The following CDK19 variants were observed in gnomAD, a reference collection of about 807,000 sequenced individuals.
CDK19 encodes the protein cyclin-dependent kinase 19.
A neutral mutation model predicts 68.3 loss-of-function variants in CDK19; 20 were observed. The observed-to-expected ratio is 0.29, with a 90% confidence interval of 0.21 to 0.43. CDK19 has a LOEUF of 0.43. Among genes scored for constraint, CDK19 ranks in the 20% least tolerant of loss-of-function variants. CDK19 has a pLI of 1.00. For synonymous variants in CDK19, 221 were observed against 222.8 expected, an observed-to-expected ratio of 0.99 and a Z score of 0.07; for missense variants, 339 against 623.5, an observed-to-expected ratio of 0.54 and a Z score of 4.86.
At chr6:110,696,803 T>C (rs1773520734) in intron 2 of CDK19, among the ~76,000 whole-genome samples, 1 of 152,040 alleles carries the variant, frequency 6.6e-6, no homozygotes, top group African/African-American at 2.4e-5. Context: ...ATGCCTGTAA[T>C]CCCAGCACTT....
intron 1 of CDK19, among the ~76,000 whole-genome samples, chr6:110,778,578 T>C (rs539380700): frequency 2.1e-4 from 32 of 152,330 alleles, no homozygotes; most frequent in African/African-American, 7.7e-4. Context: ...CAATCACACG[T>C]ATTACTACTT....
At chr6:110,730,940 T>A (rs1282405283) in intron 2 of CDK19, among the ~76,000 whole-genome samples, 1 of 151,912 alleles carries the variant, frequency 6.6e-6, no homozygotes, top group African/African-American at 2.4e-5. Flanking sequence ...TAATCCCAGC[T>A]ACTTGGGAGG....
intron 12 of CDK19, among the ~76,000 whole-genome samples, chr6:110,618,824 C>A (rs1474585211): frequency 9.5e-6 from 1 of 104,894 alleles, no homozygotes; most frequent in African/African-American, 4.5e-5. Flanking sequence ...CAGACAGCCC[C>A]TCCCTCTGCT....
At chr6:110,641,639 G>T (rs1182951717) in intron 4 of CDK19, among the ~76,000 whole-genome samples, 1 of 89,802 alleles carries the variant, frequency 1.1e-5, no homozygotes, top group East Asian at 3.6e-4. Context: ...AAGGAGGAAA[G>T]GGAAAGAAAG....
At chr6:110,814,487 G>A in intron 1 of CDK19, 1 of 393,922 alleles carries the variant, frequency 2.5e-6, no homozygotes, top group Non-Finnish European at 5.0e-6. Context: ...TGGGGGCGGC[G>A]GTGCCCAGCG....
chr6:110,784,120 C>T (rs1781022895), intron 1 of CDK19, among the ~76,000 whole-genome samples: 2 of 136,580 alleles, frequency 1.5e-5, no homozygotes, highest in Admixed American at 1.5e-4. Context: ...GATCACACCA[C>T]TGCATTCCAG....
intron 4 of CDK19, chr6:110,646,089 G>A (rs1780552241): frequency 1.2e-6 from 1 of 864,172 alleles, no homozygotes; most frequent in Non-Finnish European, 1.9e-6. Context: ...GCAGTTTGTG[G>A]CTAAGCAAGG....
intron 2 of CDK19, among the ~76,000 whole-genome samples, chr6:110,712,626 T>G (rs1775028778): frequency 6.6e-6 from 1 of 152,204 alleles, no homozygotes; most frequent in Non-Finnish European, 1.5e-5. Context: ...CGCCCAGGTT[T>G]CCTTGCTAAG....
intron 2 of CDK19, among the ~76,000 whole-genome samples, chr6:110,723,795 A>G (rs1395187411): frequency 6.6e-6 from 1 of 152,224 alleles, no homozygotes; most frequent in East Asian, 1.9e-4. Flanking sequence ...TAAATTGTTA[A>G]TACAAATTGT....
At chr6:110,814,814 A>T in intron 1 of CDK19, 195 bp downstream of exon 1, 1 of 727,250 alleles carries the variant, frequency 1.4e-6, no homozygotes, top group Non-Finnish European at 2.3e-6. Context: ...CGGGAGTTCG[A>T]GGTACGCGAC....
At chr6:110,755,039 TC>T (rs1417622375) in intron 1 of CDK19, among the ~76,000 whole-genome samples, 6 of 147,454 alleles carry the variant, frequency 4.1e-5, no homozygotes, top group Non-Finnish European at 9.1e-5. Flanking sequence ...CCCTTGTGAA[TC>T]CTTTTTTTTT....
At chr6:110,653,234 T>C (rs577308971) in intron 4 of CDK19, among the ~76,000 whole-genome samples, 2 of 152,312 alleles carry the variant, frequency 1.3e-5, no homozygotes, top group Admixed American at 1.3e-4. Context: ...TATACAAGGC[T>C]ATGGGTCAAG....
Position 110,761,447 on chromosome 6 carries a change from G to GA in CDK19, c.129-15247dup, listed in dbSNP as rs1200967660. The stretch of plus-strand genomic sequence containing the variant: ...ACATGTGGTGAAGAAACAAGAGAAA[G>GA]AACTGCAAAAACTTGATTCCCAGTG... On this transcript the variant is annotated intron_variant, in intron 1 of 12. Transcript: ENST00000368911. 1.2e-4 allele frequency among the ~76,000 whole-genome samples: 19 copies of GA among 152,322 alleles called. 1 individual carries two copies. In the South Asian group the frequency reaches 3.1e-3, roughly 25 times the overall value.
At chr6:110,622,692 C>T in intron 10 of CDK19, 123 bp downstream of exon 10, 1 of 648,776 alleles carries the variant, frequency 1.5e-6, no homozygotes, top group Non-Finnish European at 2.8e-6. Flanking sequence ...TGCTCTTGAG[C>T]AGTCTTTAGG....
At chr6:110,783,029 A>G (rs967169973) in intron 1 of CDK19, among the ~76,000 whole-genome samples, 1 of 152,224 alleles carries the variant, frequency 6.6e-6, no homozygotes, top group African/African-American at 2.4e-5. Context: ...GCAGCACACT[A>G]TTCCTACAGT....
intron 1 of CDK19, among the ~76,000 whole-genome samples, chr6:110,792,405 T>A (rs1781660571): frequency 1.3e-5 from 2 of 152,046 alleles, no homozygotes; most frequent in Admixed American, 1.3e-4. Context: ...ACTTTTTTTG[T>A]TGTTGTCTTG....
chr6:110,759,321 C>T (rs1466564256), intron 1 of CDK19, among the ~76,000 whole-genome samples: 3 of 145,248 alleles, frequency 2.1e-5, no homozygotes, highest in Admixed American at 7.1e-5. Context: ...AGGAGGATGG[C>T]GTGAACCCAG....
intron 4 of CDK19, among the ~76,000 whole-genome samples, chr6:110,653,357 C>G (rs888403428): frequency 1.3e-5 from 2 of 152,022 alleles, no homozygotes; most frequent in Non-Finnish European, 2.9e-5. Flanking sequence ...AGTATATGCT[C>G]TTTTTTAAAA....
rs1408018465 is a variant in CDK19, at chr6:110,621,491, G to C, written c.1111-121C>G. The C allele has an allele frequency of 1.1e-6, 1 of 923,166 alleles. No individual in the cohort carries two copies. The highest frequency in any genetic ancestry group is 1.6e-6 in the Non-Finnish European group (1 of 611,490). The allele number at this position is 923,166 out of a possible 1,614,324, so 57.2% of individuals were successfully genotyped here. A position where few individuals can be genotyped will look rare whatever the true frequency, so the allele number is the denominator to read the frequency against. On this transcript the variant is annotated intron_variant, in intron 11 of 12. Transcript: ENST00000368911. The surrounding 1 kb of genome is among the most constrained non-coding windows in gnomAD (Gnocchi z 5.4). ...GGGGAGCAATCTATGTGGGACACTA[G>C]AGTGATGGGGAGGACTGGAGAATGG...
Sources: gnomAD v4.1 joint callset for allele counts (sites outside exome capture counted in the v4.1 genomes callset) on GRCh38, gnomAD v4.1.1 for gene constraint, Gnocchi (gnomAD v3.1) non-coding constraint, MANE v1.5 for transcripts, NCBI Gene and HGNC (gene_info 2026-07-23, HGNC 2026-07-21) for gene names.